CACNA1E: variants seen among roughly 807,000 people sequenced by gnomAD.
The protein encoded by CACNA1E is voltage-dependent R-type calcium channel subunit alpha-1E.
CACNA1E carries 40 observed loss-of-function variants against 259.2 expected under a neutral mutation model. That is an observed-to-expected ratio of 0.15 (90% confidence interval 0.12 to 0.20). CACNA1E has a LOEUF of 0.20. Ranked by LOEUF, CACNA1E falls within the 10% of genes least tolerant of loss-of-function variation. CACNA1E has a pLI of 1.00. For missense variants in CACNA1E, 1,874 were observed against 3,040.1 expected (o/e 0.62, Z 9.02); for synonymous variants, 1,104 against 1,138.5 (o/e 0.97, Z 0.61).
chr1:181,364,375 A>G (rs948340082), intron 1 of CACNA1E, among the ~76,000 whole-genome samples: 1 of 152,178 alleles, frequency 6.6e-6, no homozygotes, highest in Non-Finnish European at 1.5e-5. Flanking sequence ...CTGTGTGGGC[A>G]GGATCTCTGT....
intron 38 of CACNA1E, among the ~76,000 whole-genome samples, chr1:181,778,314 C>T (rs1297344486): frequency 6.6e-6 from 1 of 152,160 alleles, no homozygotes; most frequent in Non-Finnish European, 1.5e-5. Context: ...AATGAAAGGA[C>T]AACTGGCTAA....
intron 37 of CACNA1E, among the ~76,000 whole-genome samples, chr1:181,775,690 T>C (rs1309364017): frequency 6.6e-6 from 1 of 152,220 alleles, no homozygotes; most frequent in Non-Finnish European, 1.5e-5. Flanking sequence ...GAATGATGTT[T>C]CATGACGTGG....
chr1:181,345,343 G>A (rs1003086185), intron 1 of CACNA1E, among the ~76,000 whole-genome samples: 8 of 152,370 alleles, frequency 5.3e-5, no homozygotes, highest in Non-Finnish European at 1.0e-4. Flanking sequence ...GTGTGAATTT[G>A]AGTGACAGGA....
At chr1:181,411,182 C>T (rs972721881) in intron 1 of CACNA1E, among the ~76,000 whole-genome samples, 2 of 152,200 alleles carry the variant, frequency 1.3e-5, no homozygotes, top group African/African-American at 4.8e-5. Context: ...TCTCAAGCCA[C>T]AAGGACTCCC....
At chr1:181,745,465 A>G (rs1553341611) in intron 25 of CACNA1E, 2 of 369,354 alleles carry the variant, frequency 5.4e-6, no homozygotes, top group Non-Finnish European at 1.0e-5. Flanking sequence ...ACGGTAACCA[A>G]CAACCAACTA....
chr1:181,458,450 A>AGAT (rs1042832987), intron 2 of CACNA1E, among the ~76,000 whole-genome samples: 11 of 152,232 alleles, frequency 7.2e-5, no homozygotes, highest in Non-Finnish European at 1.5e-4. Flanking sequence ...GCCCCTTTCA[A>AGAT]GATTGAGCTA....
In CACNA1E at chr1:181,785,830, C is replaced by T; in HGVS notation, c.5786+11C>T. The T allele has an allele frequency of 1.3e-6, 2 of 1,538,694 alleles. No individual in the cohort carries two copies. The highest frequency in any genetic ancestry group is 1.8e-6 in the Non-Finnish European group (2 of 1,122,804). On this transcript the variant is annotated intron_variant, in intron 43 of 47. Coordinates refer to ENST00000367573, the MANE Select transcript of CACNA1E (RefSeq NM_001205293.3). ...CCCCGTTTCAGGCCTGTGAGTAGCACCAAAACATCCCTGGCATGGCTGTTT... is the reference window on the plus strand; with the variant it reads ...CCCCGTTTCAGGCCTGTGAGTAGCATCAAAACATCCCTGGCATGGCTGTTT...
chr1:181,607,191 T>C (rs1222025022), intron 6 of CACNA1E, among the ~76,000 whole-genome samples: 1 of 152,204 alleles, frequency 6.6e-6, no homozygotes, highest in East Asian at 1.9e-4. Flanking sequence ...CCTAGGGCTT[T>C]GATTCAAGCA....
intron 3 of CACNA1E, among the ~76,000 whole-genome samples, chr1:181,548,661 C>T (rs1357426649): frequency 1.3e-5 from 2 of 152,338 alleles, no homozygotes; most frequent in East Asian, 1.9e-4. Context: ...GGTTTATCTA[C>T]ACAGCCCAGG....
intron 1 of CACNA1E, among the ~76,000 whole-genome samples, chr1:181,337,753 C>A (rs1356456309): frequency 6.6e-6 from 1 of 152,162 alleles, no homozygotes; most frequent in Non-Finnish European, 1.5e-5. Context: ...TTTATCCACT[C>A]ATCCATCGGT....
intron 2 of CACNA1E, among the ~76,000 whole-genome samples, chr1:181,446,176 C>T (rs1660777784): frequency 6.6e-6 from 1 of 152,152 alleles, no homozygotes; most frequent in Non-Finnish European, 1.5e-5. Context: ...GGGGGACTTC[C>T]AGGACTGGGA....
In CACNA1E at chr1:181,717,221, G is replaced by T; in HGVS notation, c.1444G>T (p.Val482Leu). The T allele has an allele frequency of 6.2e-7, 1 of 1,613,998 alleles. No homozygotes were observed. Among genetic ancestry groups the T allele is most frequent in the South Asian group, 1.1e-5 (1 of 91,086 alleles). ...TAAATCCCAGGTGTTTTACTGGATT[G>T]TGCTGAGCCTTGTGGCACTCAACAC... ...MVKSQVFYWI[V>L]LSLVALNTAC... The change falls in exon 11 of 48, where the codon GTG (valine) becomes TTG (leucine). Residue 482 changes from valine (V) to leucine (L), a missense_variant. Physicochemically the swap from Val to Leu is conservative, Grantham distance 32. Coordinates refer to ENST00000367573, the MANE Select transcript of CACNA1E (RefSeq NM_001205293.3).
At chr1:181,651,982 C>T (rs1018855202) in intron 7 of CACNA1E, 2 of 152,416 alleles carry the variant, frequency 1.3e-5, no homozygotes, top group African/African-American at 2.4e-5. Flanking sequence ...GAAGATGATA[C>T]ACATGAAACA....
intron 7 of CACNA1E, among the ~76,000 whole-genome samples, chr1:181,674,379 A>G (rs1047122240): frequency 1.2e-4 from 15 of 128,538 alleles, no homozygotes; most frequent in South Asian, 2.9e-4. Flanking sequence ...TGGGTGACAG[A>G]GCAAGACTCC....
chr1:181,614,691 A>C (rs369850959), intron 6 of CACNA1E, among the ~76,000 whole-genome samples: 1 of 152,358 alleles, frequency 6.6e-6, no homozygotes, highest in East Asian at 1.9e-4. Flanking sequence ...CTCTTAACTA[A>C]ATGGTATCAT....
intron 2 of CACNA1E, among the ~76,000 whole-genome samples, chr1:181,478,158 T>C (rs1406713339): frequency 6.6e-6 from 1 of 152,202 alleles, no homozygotes; most frequent in East Asian, 1.9e-4. Context: ...TGCCTCACAG[T>C]CCTTCTGCAA....
At chr1:181,437,123 A>G (rs1660145075) in intron 2 of CACNA1E, among the ~76,000 whole-genome samples, 1 of 152,228 alleles carries the variant, frequency 6.6e-6, no homozygotes, top group Non-Finnish European at 1.5e-5. Flanking sequence ...TGCACTTGCC[A>G]GAGGCTTCTC....
chr1:181,403,460 TG>T (rs1203813007), intron 1 of CACNA1E, among the ~76,000 whole-genome samples: 1 of 151,986 alleles, frequency 6.6e-6, no homozygotes, highest in African/African-American at 2.4e-5. Context: ...CTTGCCCAAT[TG>T]AACTTAACTT....
intron 29 of CACNA1E, 82 bp downstream of exon 29, chr1:181,756,175 G>A: frequency 5.2e-6 from 7 of 1,343,564 alleles, no homozygotes; most frequent in African/African-American, 1.5e-5. Context: ...AGATGAACAA[G>A]GCTCACGCTT....
Sources: allele counts gnomAD v4.1 joint callset (sites outside exome capture counted in the v4.1 genomes callset), GRCh38; gene constraint gnomAD v4.1.1; transcripts MANE v1.5; gene names NCBI Gene and HGNC (gene_info 2026-07-23, HGNC 2026-07-21).